The following PPM1L variants were observed in gnomAD, a reference collection of about 807,000 sequenced individuals.
The protein encoded by PPM1L is protein phosphatase 1L.
PPM1L carries 13 observed loss-of-function variants against 31.4 expected under a neutral mutation model. The ratio of observed to expected loss-of-function variants is 0.41; its 90% CI spans 0.27 to 0.66. The LOEUF is 0.66. Ranked by LOEUF, PPM1L falls within the 30% of genes least tolerant of loss-of-function variation. The pLI, the probability that PPM1L is intolerant of heterozygous loss-of-function variation, is 0.29. For synonymous variants in PPM1L, 184 were observed against 175.4 expected, an observed-to-expected ratio of 1.05 and a Z score of -0.39; for missense variants, 326 against 453.7, an observed-to-expected ratio of 0.72 and a Z score of 2.56.
At chr3:160,833,608 C>T (rs1303894048) in intron 1 of PPM1L, among the ~76,000 whole-genome samples, 1 of 151,980 alleles carries the variant, frequency 6.6e-6, no homozygotes, top group Non-Finnish European at 1.5e-5. Context: ...ATGTCCCTTG[C>T]CCACTTTTTA....
chr3:160,916,558 G>A (rs114787140), intron 1 of PPM1L, among the ~76,000 whole-genome samples: 1 of 151,996 alleles, frequency 6.6e-6, no homozygotes, highest in Non-Finnish European at 1.5e-5. Context: ...CATCTTCAAC[G>A]TGCATGATCT....
intron 1 of PPM1L, among the ~76,000 whole-genome samples, chr3:160,800,491 C>A (rs929022006): frequency 1.3e-5 from 2 of 151,974 alleles, no homozygotes; most frequent in African/African-American, 4.8e-5. Context: ...TTCTTAGTAA[C>A]CTAAAATGAT....
chr3:160,965,802 A>G (rs192072033), intron 2 of PPM1L, among the ~76,000 whole-genome samples: 5 of 152,108 alleles, frequency 3.3e-5, no homozygotes, highest in African/African-American at 1.2e-4. Flanking sequence ...GTTAGAAGAT[A>G]TCTTGGTCTC....
chr3:160,863,363 C>G lies in PPM1L; in HGVS notation c.400-98373C>G, dbSNP rs188456255. The stretch of plus-strand genomic sequence containing the variant: ...CCCCTGGGGTACTACTCAGTGCTGT[C>G]TGCCAGCCTGCTAAGTTCACTTTTT... On this transcript the variant is annotated intron_variant, in intron 1 of 3. Transcript: ENST00000498165. Among the ~76,000 whole-genome samples, 25 of 152,348 alleles carry G rather than the reference C, an allele frequency of 1.6e-4. No homozygotes were observed. The East Asian group carries it at 3.3e-3, about 20-fold the overall frequency.
chr3:160,843,426 T>TTATATATATATATATATATA (rs55994031), intron 1 of PPM1L, among the ~76,000 whole-genome samples: 3 of 47,532 alleles, frequency 6.3e-5, no homozygotes, highest in Non-Finnish European at 8.1e-5. Context: ...GGCAATTCTT[T>TTATATATATATATATATATA]TATATATATA....
intron 1 of PPM1L, among the ~76,000 whole-genome samples, chr3:160,853,407 G>A (rs1473413414): frequency 6.6e-6 from 1 of 152,014 alleles, no homozygotes; most frequent in Non-Finnish European, 1.5e-5. Flanking sequence ...ATCCCATGTA[G>A]ATCTAGATAG....
intron 2 of PPM1L, among the ~76,000 whole-genome samples, chr3:160,973,908 A>G (rs1487364649): frequency 6.7e-6 from 1 of 149,146 alleles, no homozygotes; most frequent in Non-Finnish European, 1.5e-5. Context: ...TTTAGGGTAC[A>G]TGTGCACATT....
intron 1 of PPM1L, among the ~76,000 whole-genome samples, chr3:160,851,900 T>A (rs1711538202): frequency 6.6e-6 from 1 of 152,242 alleles, no homozygotes; most frequent in African/African-American, 2.4e-5. Context: ...GGCCTGGTTT[T>A]GCTCTTCATA....
chr3:161,045,009 T>A (rs1233141125), intron 2 of PPM1L, among the ~76,000 whole-genome samples: 1 of 151,538 alleles, frequency 6.6e-6, no homozygotes, highest in Non-Finnish European at 1.5e-5. Flanking sequence ...CCAACAAAGA[T>A]CAAAAGAGAC....
intron 1 of PPM1L, among the ~76,000 whole-genome samples, chr3:160,772,083 GAA>G (rs1715272479): frequency 6.6e-6 from 1 of 152,088 alleles, no homozygotes; most frequent in Non-Finnish European, 1.5e-5. Flanking sequence ...ATAATTTTTG[GAA>G]AGGAAGCTCA....
chr3:161,051,100 A>C (rs907523888), intron 2 of PPM1L, among the ~76,000 whole-genome samples: 4 of 151,974 alleles, frequency 2.6e-5, no homozygotes, highest in Non-Finnish European at 5.9e-5. Flanking sequence ...CCTCCCAGCT[A>C]TCCTCTCCAC....
intron 1 of PPM1L, among the ~76,000 whole-genome samples, chr3:160,876,260 G>A (rs1422565476): frequency 6.6e-6 from 1 of 152,150 alleles, no homozygotes; most frequent in East Asian, 1.9e-4. Flanking sequence ...AGTAAATCAA[G>A]GGTTTGAGAA....
chr3:161,055,603 C>T (rs966373225), intron 2 of PPM1L, among the ~76,000 whole-genome samples: 26 of 152,046 alleles, frequency 1.7e-4, no homozygotes, highest in Non-Finnish European at 3.4e-4. Flanking sequence ...TATTTCTCCT[C>T]ATCCTAAAAA....
At chr3:160,776,721 G>C (rs945247204) in intron 1 of PPM1L, among the ~76,000 whole-genome samples, 1 of 151,172 alleles carries the variant, frequency 6.6e-6, no homozygotes, top group African/African-American at 2.4e-5. Context: ...TCCTGCCTCA[G>C]CCTCCTGTAA....
At chr3:160,787,650 GT>G (rs1283936520) in intron 1 of PPM1L, among the ~76,000 whole-genome samples, 5 of 152,150 alleles carry the variant, frequency 3.3e-5, no homozygotes, top group African/African-American at 1.2e-4. Context: ...TGCTTTTGGA[GT>G]CTTTATCATG....
At chr3:160,785,767 A>G (rs1466329869) in intron 1 of PPM1L, among the ~76,000 whole-genome samples, 2 of 150,912 alleles carry the variant, frequency 1.3e-5, no homozygotes, top group East Asian at 3.9e-4. Context: ...GCTGATGGAC[A>G]TGTAAGTTGT....
intron 2 of PPM1L, among the ~76,000 whole-genome samples, chr3:160,978,931 G>T (rs946620497): frequency 6.6e-6 from 1 of 151,930 alleles, no homozygotes; most frequent in African/African-American, 2.4e-5. Flanking sequence ...ACAGGAAAAT[G>T]CATCTGAATA....
intron 1 of PPM1L, among the ~76,000 whole-genome samples, chr3:160,864,643 T>C (rs1712026189): frequency 6.6e-6 from 1 of 152,238 alleles, no homozygotes; most frequent in African/African-American, 2.4e-5. Flanking sequence ...GCATCTGTCA[T>C]TCACCAGGTG....
At chr3:161,065,666 A>AT in intron 3 of PPM1L, 102 bp downstream of exon 3, 1 of 1,042,368 alleles carries the variant, frequency 9.6e-7, no homozygotes, top group Non-Finnish European at 1.4e-6. Context: ...ATGCAGTATT[A>AT]GAGAGGCTGC....
Sources: gnomAD v4.1 joint callset for allele counts (sites outside exome capture counted in the v4.1 genomes callset) on GRCh38, gnomAD v4.1.1 for gene constraint, MANE v1.5 for transcripts, NCBI Gene and HGNC (gene_info 2026-07-23, HGNC 2026-07-21) for gene names.